WDR7: variants seen among roughly 807,000 people sequenced by gnomAD.
WDR7 encodes the protein WD repeat-containing protein 7.
WDR7 carries 46 observed loss-of-function variants against 169.4 expected under a neutral mutation model. The observed-to-expected ratio is 0.27, with a 90% CI of 0.21 to 0.35. WDR7 has a LOEUF of 0.35. Ranked by LOEUF, WDR7 falls within the 10% of genes least tolerant of loss-of-function variation. The pLI, the probability that WDR7 is intolerant of heterozygous loss-of-function variation, is 1.00. For synonymous variants in WDR7, 612 were observed against 666.8 expected (o/e 0.92, Z 1.27); for missense variants, 1,534 against 1,859.3 (o/e 0.83, Z 3.22).
At chr18:56,770,629 C>G (rs2044139871) in intron 16 of WDR7, among the ~76,000 whole-genome samples, 1 of 152,114 alleles carries the variant, frequency 6.6e-6, no homozygotes, top group Admixed American at 6.5e-5. Flanking sequence ...AGTAGTGTGA[C>G]TGTATTTTTT....
At chr18:56,975,749 G>A (rs2047555773) in intron 26 of WDR7, among the ~76,000 whole-genome samples, 1 of 152,166 alleles carries the variant, frequency 6.6e-6, no homozygotes, top group Non-Finnish European at 1.5e-5. Flanking sequence ...GAGAGGAGTG[G>A]AGACTGTGGC....
rs777834158 is a variant in WDR7 at position 56,696,319 on chromosome 18, C to T, written c.1435C>T (p.Arg479Trp). 25 of 1,613,950 alleles carry T rather than the reference C, an allele frequency of 1.5e-5. No homozygotes were observed. The highest frequency in any genetic ancestry group is 1.3e-4 in the African/African-American group (10 of 74,904). The change falls in exon 12 of 28, where the codon CGG becomes TGG. Residue 479 changes from arginine (R) to tryptophan (W), a missense_variant. Transcript: ENST00000254442. The stretch of plus-strand genomic sequence containing the variant: ...GCTATATCCTCATCAGGTCTCAGCT[C>T]GGTATGATCAAAGATACCTGATATC... ...CLLYPHQVSA[R>W]YDQRYLISGG...
At chr18:56,671,617 AG>A (rs1743038113) in intron 1 of WDR7, among the ~76,000 whole-genome samples, 1 of 152,070 alleles carries the variant, frequency 6.6e-6, no homozygotes, top group African/African-American at 2.4e-5. Context: ...AACAGGACTG[AG>A]TTTTTCTTGG....
At chr18:56,890,796 T>A (rs1052468056) in intron 21 of WDR7, 22 of 152,220 alleles carry the variant, frequency 1.4e-4, no homozygotes, top group Admixed American at 1.4e-3. Flanking sequence ...GCGTCCCATG[T>A]TCCTTACCAC....
At chr18:56,807,728 A>AT (rs1326949388) in intron 19 of WDR7, among the ~76,000 whole-genome samples, 4 of 150,876 alleles carry the variant, frequency 2.7e-5, no homozygotes, top group Non-Finnish European at 4.4e-5. Flanking sequence ...TCATAAACAA[A>AT]GATCAAAACT....
chr18:56,809,705 T>C (rs10163806), intron 19 of WDR7, among the ~76,000 whole-genome samples: 20,561 of 152,092 alleles, frequency 0.14, 2,211 homozygotes, highest in African/African-American at 0.3. Flanking sequence ...CTCTGTGTTT[T>C]GTTGAAAATA....
At chr18:56,748,006 A>G (rs1157335070) in intron 14 of WDR7, among the ~76,000 whole-genome samples, 1 of 152,076 alleles carries the variant, frequency 6.6e-6, no homozygotes, top group Non-Finnish European at 1.5e-5. Context: ...AAGTGTGTTA[A>G]GGGTTTCAGC....
At chr18:56,657,997 G>A (rs2024815898) in intron 1 of WDR7, among the ~76,000 whole-genome samples, 1 of 151,968 alleles carries the variant, frequency 6.6e-6, no homozygotes, top group African/African-American at 2.4e-5. Flanking sequence ...AACAACGAAT[G>A]TTAGGGCACT....
chr18:56,752,690 C>G (rs1198108633), intron 14 of WDR7, among the ~76,000 whole-genome samples: 1 of 152,042 alleles, frequency 6.6e-6, no homozygotes, highest in Non-Finnish European at 1.5e-5. Context: ...GCAAATTTAT[C>G]ACATTATTTA....
chr18:56,877,665 C>G (rs541115971), intron 20 of WDR7, among the ~76,000 whole-genome samples: 27 of 152,344 alleles, frequency 1.8e-4, no homozygotes, highest in African/African-American at 4.6e-4. Context: ...CTATCTGTCA[C>G]TGCTTATCCA....
At chr18:56,917,245 A>C (rs2046641953) in intron 21 of WDR7, among the ~76,000 whole-genome samples, 1 of 152,106 alleles carries the variant, frequency 6.6e-6, no homozygotes, top group Non-Finnish European at 1.5e-5. Context: ...ATGTGCTGTG[A>C]ACTGAAGGTC....
chr18:56,765,798 GTATGTATC>G, intron 16 of WDR7, among the ~76,000 whole-genome samples: 1 of 151,962 alleles, frequency 6.6e-6, no homozygotes, highest in African/African-American at 2.4e-5. Flanking sequence ...ATGTATGTAT[GTATGTATC>G]TATCTATCTA....
chr18:56,792,765 A>AACACACACACACAC (rs10551903), intron 19 of WDR7, among the ~76,000 whole-genome samples: 50 of 147,774 alleles, frequency 3.4e-4, no homozygotes, highest in East Asian at 2.4e-3. Flanking sequence ...TATTTTCTTT[A>AACACACACACACAC]ACACACACAC....
At chr18:56,969,921 A>G (rs1030994526) in intron 26 of WDR7, among the ~76,000 whole-genome samples, 1 of 152,216 alleles carries the variant, frequency 6.6e-6, no homozygotes, top group African/African-American at 2.4e-5. Flanking sequence ...TTAATAGAGT[A>G]GATTCTGAAA....
intron 2 of WDR7, among the ~76,000 whole-genome samples, chr18:56,674,827 G>A (rs958395954): frequency 6.6e-6 from 1 of 151,910 alleles, no homozygotes; most frequent in Non-Finnish European, 1.5e-5. Flanking sequence ...TTAGGTCTTC[G>A]ATCCATATTA....
At position 56,686,878 on chromosome 18, in the gene WDR7, G is replaced by C. The variant is rs766290879; in HGVS notation, c.621G>C (p.Glu207Asp). The stretch of plus-strand genomic sequence containing the variant: ...AGGATACTGAGCCAATATTTGAGGA[G>C]GAATCCAAACCAATTTATTGTCAGA... Reference protein sequence around the residue: ...DMQDTEPIFEEESKPIYCQNC... With the variant: ...DMQDTEPIFEDESKPIYCQNC... The change falls in exon 7 of 28, where the codon GAG (glutamate) becomes GAC (aspartate). Residue 207 changes from glutamate (E) to aspartate (D), a missense_variant. Coordinates refer to ENST00000254442, the MANE Select transcript of WDR7 (RefSeq NM_015285.3). 1.9e-6 allele frequency: 3 copies of C among 1,605,638 alleles called. No individual in the cohort carries two copies. The highest frequency in any genetic ancestry group is 2.7e-5 in the African/African-American group (2 of 74,796).
chr18:57,007,355 T>C (rs1306778378), intron 26 of WDR7, among the ~76,000 whole-genome samples: 2 of 152,184 alleles, frequency 1.3e-5, no homozygotes, highest in Non-Finnish European at 2.9e-5. Context: ...GGAGAAATCT[T>C]AAGTATATTA....
intron 20 of WDR7, among the ~76,000 whole-genome samples, chr18:56,832,195 T>C (rs2045322851): frequency 6.6e-6 from 1 of 152,126 alleles, no homozygotes; most frequent in South Asian, 2.1e-4. Context: ...GTAGGCGGTT[T>C]TCCTCTCACG....
intron 19 of WDR7, among the ~76,000 whole-genome samples, chr18:56,795,533 T>C (rs2044569106): frequency 6.6e-6 from 1 of 152,192 alleles, no homozygotes; most frequent in African/African-American, 2.4e-5. Flanking sequence ...ACGTTACATC[T>C]GTATTTACTT....
Sources: allele counts gnomAD v4.1 joint callset (sites outside exome capture counted in the v4.1 genomes callset), GRCh38; gene constraint gnomAD v4.1.1; transcripts MANE v1.5; gene names NCBI Gene and HGNC (gene_info 2026-07-23, HGNC 2026-07-21).